The following CDIP1 variants were observed in gnomAD, a reference collection of about 807,000 sequenced individuals.
CDIP1 encodes the protein cell death-inducing p53-target protein 1.
Under a neutral mutation model 17.7 loss-of-function variants are expected in CDIP1, and 9 were observed. That is an observed-to-expected ratio of 0.51 (90% CI 0.31 to 0.89). The LOEUF (loss-of-function observed/expected upper bound fraction) is 0.89, where lower values mean the gene tolerates loss of function less well. Among genes scored for constraint, CDIP1 ranks in the 40% least tolerant of loss-of-function variants. The pLI, the probability that CDIP1 is intolerant of heterozygous loss-of-function variation, is 0.05. For synonymous variants in CDIP1, 117 were observed against 109.5 expected, an observed-to-expected ratio of 1.07 and a Z score of -0.43; for missense variants, 263 against 277.9, an observed-to-expected ratio of 0.95 and a Z score of 0.38.
intron 1 of CDIP1, among the ~76,000 whole-genome samples, chr16:4,526,379 C>G (rs1229918725): frequency 6.8e-6 from 1 of 147,518 alleles, no homozygotes; most frequent in East Asian, 2.0e-4. Flanking sequence ...CACTCCAGCC[C>G]GGGCAATAGT....
At chr16:4,533,499 G>A (rs2059076037) in intron 1 of CDIP1, 1 of 152,278 alleles carries the variant, frequency 6.6e-6, no homozygotes, top group Non-Finnish European at 1.5e-5. Context: ...TGCCAAACTG[G>A]ATGGCTGAGA....
At chr16:4,531,173 C>T (rs1464597144) in intron 1 of CDIP1, among the ~76,000 whole-genome samples, 5 of 151,860 alleles carry the variant, frequency 3.3e-5, no homozygotes, top group Non-Finnish European at 7.4e-5. Flanking sequence ...GGACTACAGG[C>T]GCCTGCCACC....
chr16:4,538,174 CG>C (rs551537759), intron 1 of CDIP1, among the ~76,000 whole-genome samples: 110 of 152,266 alleles, frequency 7.2e-4, no homozygotes, highest in African/African-American at 2.3e-3. Context: ...CCATTCCGGG[CG>C]CACAACCCCG....
chr16:4,518,324 G>A (rs898740141), intron 1 of CDIP1, among the ~76,000 whole-genome samples: 3 of 152,382 alleles, frequency 2.0e-5, no homozygotes, highest in South Asian at 2.1e-4. Context: ...ATGATAGGGT[G>A]TAAGCCCACA....
At chr16:4,533,177 G>A (rs760353722) in intron 1 of CDIP1, 1 of 152,272 alleles carries the variant, frequency 6.6e-6, no homozygotes, top group East Asian at 1.9e-4. Flanking sequence ...GTGACAGCAG[G>A]TGCTCCAGCA....
At chr16:4,534,507 C>A (rs192225610) in intron 1 of CDIP1, among the ~76,000 whole-genome samples, 11 of 152,344 alleles carry the variant, frequency 7.2e-5, no homozygotes, top group Admixed American at 5.9e-4. Context: ...CCTTCTCTGC[C>A]ATTACTTGGC....
intron 1 of CDIP1, among the ~76,000 whole-genome samples, chr16:4,528,683 C>CACAA (rs1555501960): frequency 1.1e-3 from 57 of 50,962 alleles, no homozygotes; most frequent in African/African-American, 4.6e-3. Context: ...AACCCTGTCT[C>CACAA]AAAAAAAAAA....
At position 4,537,902 on chromosome 16, in the gene CDIP1, G is replaced by C. The variant is rs376616491; in HGVS notation, c.-105+800C>G. 2.9e-3 allele frequency among the ~76,000 whole-genome samples: 443 copies of C among 152,288 alleles called. 4 individuals are homozygous for C. The highest frequency in any genetic ancestry group is 9.1e-3 in the African/African-American group (379 of 41,558). ...GCTAGGCCAGGCCGTCGCCATCTCC[G>C]CCGGGGATGCGCGGCCGAGCGCCAC... On this transcript the variant is annotated intron_variant, in intron 1 of 5. Coordinates refer to ENST00000567695, the MANE Select transcript of CDIP1 (RefSeq NM_013399.3).
chr16:4,528,346 TG>T (rs1317132904), intron 1 of CDIP1, among the ~76,000 whole-genome samples: 1 of 152,204 alleles, frequency 6.6e-6, no homozygotes, highest in Non-Finnish European at 1.5e-5. Flanking sequence ...CGCTAAGAGC[TG>T]GGATTACAGG....
rs1235168253 is a variant in CDIP1 at position 4,519,579 on chromosome 16, G to A, written c.-104-4915C>T. On this transcript the variant is annotated intron_variant, in intron 1 of 5. Coordinates refer to ENST00000567695, the MANE Select transcript of CDIP1 (RefSeq NM_013399.3). ...CACAGCAAGAAGGCCCTTGCCAGAT[G>A]CTGGCAGTGCCTTGATCCTGGACTT... Among the ~76,000 whole-genome samples the A allele has an allele frequency of 2.6e-5, 4 of 152,282 alleles. No homozygotes were observed. The South Asian group carries it at 6.2e-4, about 24-fold the overall frequency.
At chr16:4,522,505 A>C (rs2058961474) in intron 1 of CDIP1, 1 of 152,282 alleles carries the variant, frequency 6.6e-6, no homozygotes, top group Non-Finnish European at 1.5e-5. Context: ...TCCAGCCAGG[A>C]ACAGGGCTTT....
At chr16:4,526,222 T>C (rs1346387397) in intron 1 of CDIP1, among the ~76,000 whole-genome samples, 1 of 151,440 alleles carries the variant, frequency 6.6e-6, no homozygotes, top group Non-Finnish European at 1.5e-5. Flanking sequence ...CTGGCCAACA[T>C]GGTGAAACTC....
At chr16:4,524,878 G>A (rs1003421232) in intron 1 of CDIP1, among the ~76,000 whole-genome samples, 1 of 152,172 alleles carries the variant, frequency 6.6e-6, no homozygotes, top group African/African-American at 2.4e-5. Context: ...CAAGGTGGGA[G>A]GACTGCTTAA....
chr16:4,512,170 A>C lies in CDIP1; in HGVS notation c.*402T>G. On this transcript the variant is annotated 3_prime_UTR_variant, in exon 6 of 6. Transcript: ENST00000567695. This position sits in a 1 kb window ranked among gnomAD's most constrained non-coding sequence, Gnocchi z 4.6. ...CAGCAGGTCAGAAACGCCTGTGGCC[A>C]CAGGCCTGGGGACTAACTGGCTAAC... 3 of 205,682 alleles carry C rather than the reference A, an allele frequency of 1.5e-5. No individual in the cohort carries two copies. The highest frequency in any genetic ancestry group is 1.3e-4 in the East Asian group (1 of 7,982). The allele number at this position is 205,682 out of a possible 1,614,324, so 12.7% of individuals were successfully genotyped here.
In CDIP1 at chr16:4,511,553, C is replaced by G. The variant is rs1460437947; in HGVS notation, c.*1019G>C. 1.3e-5 allele frequency: 2 copies of G among 152,370 alleles called. No homozygotes were observed. The highest frequency in any genetic ancestry group is 3.8e-4 in the East Asian group (2 of 5,204). The allele number at this position is 152,370 out of a possible 1,614,324, so 9.4% of individuals were successfully genotyped here. ...GTGGCTGCTCCTTCCTCGTCCCTAG[C>G]CCAGTGTGCCTGCAGGAGCAGGTGT... On this transcript the variant is annotated 3_prime_UTR_variant, in exon 6 of 6. Coordinates refer to ENST00000567695, the MANE Select transcript of CDIP1 (RefSeq NM_013399.3).
chr16:4,538,229 G>A (rs1312956060), intron 1 of CDIP1: 3 of 152,200 alleles, frequency 2.0e-5, no homozygotes, highest in Non-Finnish European at 4.4e-5. Flanking sequence ...CACCGCAGCG[G>A]CTTCGACATC....
rs1335456396 is a variant in CDIP1, at chr16:4,511,490, G to A, written c.*1082C>T. On this transcript the variant is annotated 3_prime_UTR_variant, in exon 6 of 6. Coordinates refer to ENST00000567695, the MANE Select transcript of CDIP1 (RefSeq NM_013399.3). ...ACAAACCATTCAGGAAATAAAGACA[G>A]GGCGAGGCTGGTGTCCACCAAGGCA... 1.3e-5 allele frequency: 2 copies of A among 152,568 alleles called. No individual in the cohort carries two copies. The highest frequency in any genetic ancestry group is 2.9e-5 in the Non-Finnish European group (2 of 68,140). The allele number at this position is 152,568 out of a possible 1,614,324, so 9.5% of individuals were successfully genotyped here.
chr16:4,525,517 G>A (rs965272774), intron 1 of CDIP1, among the ~76,000 whole-genome samples: 2 of 152,168 alleles, frequency 1.3e-5, no homozygotes, highest in Non-Finnish European at 2.9e-5. Context: ...CCCCTGCTGT[G>A]AGACTGCTCC....
intron 1 of CDIP1, among the ~76,000 whole-genome samples, chr16:4,533,959 T>G (rs940124590): frequency 7.2e-5 from 11 of 152,022 alleles, no homozygotes; most frequent in Non-Finnish European, 1.6e-4. Context: ...GCCATTCTTT[T>G]TTGTTTGTTT....
Sources: allele counts gnomAD v4.1 joint callset (sites outside exome capture counted in the v4.1 genomes callset), GRCh38; gene constraint gnomAD v4.1.1; non-coding constraint Gnocchi (gnomAD v3.1); transcripts MANE v1.5; gene names NCBI Gene and HGNC (gene_info 2026-07-23, HGNC 2026-07-21).